CLMN: variants seen among roughly 807,000 people sequenced by gnomAD.
The protein encoded by CLMN is calmin (calponin-like, transmembrane).
A neutral mutation model predicts 92.7 loss-of-function variants in CLMN; 57 were observed. The observed-to-expected ratio is 0.61, with a 90% CI of 0.50 to 0.77. The LOEUF (loss-of-function observed/expected upper bound fraction) is 0.77, where lower values mean the gene tolerates loss of function less well. Ranked by LOEUF, CLMN falls within the 30% of genes least tolerant of loss-of-function variation. The pLI is 0.00. For synonymous variants in CLMN, 466 were observed against 470.6 expected (o/e 0.99, Z 0.13); for missense variants, 1,158 against 1,237.5 (o/e 0.94, Z 0.96).
At chr14:95,254,705 A>T (rs1898925471) in intron 1 of CLMN, among the ~76,000 whole-genome samples, 1 of 152,124 alleles carries the variant, frequency 6.6e-6, no homozygotes, top group South Asian at 2.1e-4. Flanking sequence ...GGATCTTTTT[A>T]AAATTTTTTT....
rs1003949396 is a variant in CLMN, at chr14:95,185,996, C to T, written c.*5568G>A. The T allele has an allele frequency of 2.6e-5, 4 of 152,194 alleles. No homozygotes were observed. Among genetic ancestry groups the T allele is most frequent in the Admixed American group, 6.5e-5 (1 of 15,282 alleles). 9.4% of individuals were successfully genotyped at this position (152,194 alleles called of 1,614,324 possible). On this transcript the variant is annotated 3_prime_UTR_variant, in exon 13 of 13. Transcript: ENST00000298912. ...TTCTGACTTTTGTTGGAGAGATGAG[C>T]TCCATGGTGTTCTGAGTCCCTAGCG...
chr14:95,291,600 G>T (rs139561941), intron 1 of CLMN, among the ~76,000 whole-genome samples: 1 of 152,286 alleles, frequency 6.6e-6, no homozygotes, highest in Non-Finnish European at 1.5e-5. Context: ...CTGGGGAATG[G>T]GGAGCCCTGT....
At chr14:95,214,854 T>C (rs556799232) in intron 5 of CLMN, among the ~76,000 whole-genome samples, 2 of 152,270 alleles carry the variant, frequency 1.3e-5, no homozygotes, top group African/African-American at 4.8e-5. Flanking sequence ...AAGCAAATCA[T>C]GCCCGTGTGG....
chr14:95,211,204 T>C (rs933370924), intron 6 of CLMN, among the ~76,000 whole-genome samples: 7 of 152,260 alleles, frequency 4.6e-5, no homozygotes, highest in African/African-American at 1.7e-4. Context: ...TGGAATGTGC[T>C]GTGCCATAAA....
chr14:95,204,572 A>C, intron 8 of CLMN, 109 bp from the exon 9 acceptor site: 1 of 1,035,540 alleles, frequency 9.7e-7, no homozygotes, highest in Non-Finnish European at 1.3e-6. Flanking sequence ...ACCCATATCC[A>C]CCTTTCCCAA....
chr14:95,235,732 T>C lies in CLMN; in HGVS notation c.83-5599A>G, dbSNP rs186593426. On this transcript the variant is annotated intron_variant, in intron 1 of 12. Transcript: ENST00000298912. ...TGGACAGCAGATCAGAATTTCCGCA[T>C]GGGAGCCGTATTCTTTGACGTCCAT... Among the ~76,000 whole-genome samples the C allele has an allele frequency of 8.6e-3, 1,312 of 152,286 alleles. 9 individuals carry two copies. Among genetic ancestry groups the C allele is most frequent in the Non-Finnish European group, 0.013 (875 of 68,016 alleles).
chr14:95,186,971 A>G lies in CLMN; in HGVS notation c.*4593T>C, dbSNP rs1412209898. 2.6e-5 allele frequency: 4 copies of G among 152,280 alleles called. No individual in the cohort carries two copies. Among genetic ancestry groups the G allele is most frequent in the Non-Finnish European group, 4.4e-5 (3 of 68,070 alleles). 9.4% of individuals were successfully genotyped at this position (152,280 alleles called of 1,614,324 possible). A position where few individuals can be genotyped will look rare whatever the true frequency, so the allele number is the denominator to read the frequency against. ...GCAGGAGATCTAAGATCATTTACTGACAATAGGCAGCAAAACCAGGGGGAA... is the reference window on the plus strand; with the variant it reads ...GCAGGAGATCTAAGATCATTTACTGGCAATAGGCAGCAAAACCAGGGGGAA... On this transcript the variant is annotated 3_prime_UTR_variant, in exon 13 of 13. Coordinates refer to ENST00000298912, the MANE Select transcript of CLMN (RefSeq NM_024734.4).
chr14:95,294,530 C>T lies in CLMN; in HGVS notation c.82+25181G>A, dbSNP rs1321481862. Among the ~76,000 whole-genome samples, 1 of 152,204 alleles carries T rather than the reference C, an allele frequency of 6.6e-6. No individual in the cohort carries two copies. The highest frequency in any genetic ancestry group is 1.5e-5 in the Non-Finnish European group (1 of 68,030). ...AGACCTGCATCCACATTCCGGCTCC[C>T]CCTCCCTCACCTGTCCCTTCCGAGT... On this transcript the variant is annotated intron_variant, in intron 1 of 12. Transcript: ENST00000298912. The surrounding 1 kb of genome is among the most constrained non-coding windows in gnomAD (Gnocchi z 4.2).
chr14:95,246,630 G>C (rs1471262646), intron 1 of CLMN, among the ~76,000 whole-genome samples: 1 of 152,134 alleles, frequency 6.6e-6, no homozygotes, highest in Non-Finnish European at 1.5e-5. Flanking sequence ...CACCACGCCA[G>C]CTAATTTTTT....
rs576786210 is a variant in CLMN, at chr14:95,310,032, C to A, written c.82+9679G>T. On this transcript the variant is annotated intron_variant, in intron 1 of 12. Transcript: ENST00000298912. The stretch of plus-strand genomic sequence containing the variant: ...TCTTCCCTTTTCTGGCTTGTAGAGG[C>A]CTGATATGGTTTGGGTGTGTGTCCC... Among the ~76,000 whole-genome samples, 15 of 152,244 alleles carry A rather than the reference C, an allele frequency of 9.9e-5. No homozygotes were observed. The South Asian group carries it at 2.9e-3, about 30-fold the overall frequency.
chr14:95,204,764 A>G (rs1465851094), intron 8 of CLMN, among the ~76,000 whole-genome samples: 2 of 152,236 alleles, frequency 1.3e-5, no homozygotes, highest in African/African-American at 4.8e-5. Flanking sequence ...ACCAAGCTCT[A>G]AAGAAGGACA....
chr14:95,266,391 C>T (rs1899475736), intron 1 of CLMN, among the ~76,000 whole-genome samples: 1 of 152,144 alleles, frequency 6.6e-6, no homozygotes, highest in Non-Finnish European at 1.5e-5. Context: ...AAATCAGTAG[C>T]ATTTATATGA....
intron 1 of CLMN, among the ~76,000 whole-genome samples, chr14:95,241,373 G>C (rs1898237835): frequency 6.6e-6 from 1 of 152,144 alleles, no homozygotes; most frequent in Non-Finnish European, 1.5e-5. Context: ...CTATGTCCAG[G>C]AGAGCATGCC....
At chr14:95,309,385 A>C (rs776961383) in intron 1 of CLMN, among the ~76,000 whole-genome samples, 1 of 152,194 alleles carries the variant, frequency 6.6e-6, no homozygotes, top group African/African-American at 2.4e-5. Context: ...TCTCCACTCC[A>C]AAAGTACACA....
intron 1 of CLMN, among the ~76,000 whole-genome samples, chr14:95,284,803 G>A (rs970982997): frequency 2.6e-5 from 4 of 152,174 alleles, no homozygotes; most frequent in Non-Finnish European, 2.9e-5. Flanking sequence ...GATTTGCCTT[G>A]TCTCAGATAA....
At chr14:95,222,645 G>A (rs996415139) in intron 3 of CLMN, 6 of 452,900 alleles carry the variant, frequency 1.3e-5, no homozygotes, top group Non-Finnish European at 2.7e-5. Flanking sequence ...ATAAACAAGG[G>A]ACTAGAAGGT....
intron 1 of CLMN, among the ~76,000 whole-genome samples, chr14:95,297,045 A>G (rs527894638): frequency 2.3e-4 from 35 of 152,228 alleles, no homozygotes; most frequent in African/African-American, 8.2e-4. Context: ...GGTGCTTGCC[A>G]GGGGTGGGAG....
chr14:95,197,573 G>A (rs974081418), intron 9 of CLMN, among the ~76,000 whole-genome samples: 4 of 152,144 alleles, frequency 2.6e-5, no homozygotes, highest in Admixed American at 6.5e-5. Flanking sequence ...CGCACAGGCA[G>A]GTGTAGAGTT....
intron 6 of CLMN, among the ~76,000 whole-genome samples, chr14:95,212,849 G>C (rs1265269455): frequency 6.7e-6 from 1 of 149,082 alleles, no homozygotes; most frequent in Non-Finnish European, 1.5e-5. Flanking sequence ...GCAGTGGAGT[G>C]AACTCGGCTC....
Sources: gnomAD v4.1 joint callset for allele counts (sites outside exome capture counted in the v4.1 genomes callset) on GRCh38, gnomAD v4.1.1 for gene constraint, Gnocchi (gnomAD v3.1) non-coding constraint, MANE v1.5 for transcripts, NCBI Gene and HGNC (gene_info 2026-07-23, HGNC 2026-07-21) for gene names.